CACNB3: variants seen among roughly 807,000 people sequenced by gnomAD.
The protein encoded by CACNB3 is calcium voltage-gated channel auxiliary subunit beta 3, also known as voltage-dependent L-type calcium channel subunit beta-3.
A neutral mutation model predicts 63.7 loss-of-function variants in CACNB3; 36 were observed. The ratio of observed to expected loss-of-function variants is 0.57; its 90% CI spans 0.43 to 0.75. CACNB3 has a LOEUF of 0.75. CACNB3 is among the 30% of genes least tolerant of loss of function. CACNB3 has a pLI of 0.00. For synonymous variants in CACNB3, 241 were observed against 250.6 expected, an observed-to-expected ratio of 0.96 and a Z score of 0.36; for missense variants, 493 against 648.6, an observed-to-expected ratio of 0.76 and a Z score of 2.61.
In CACNB3 at chr12:48,825,586, T is replaced by C; in HGVS notation, c.633-74T>C. On this transcript the variant is annotated intron_variant, in intron 8 of 12. Coordinates refer to ENST00000301050, the MANE Select transcript of CACNB3 (RefSeq NM_000725.4). The surrounding 1 kb of genome is among the most constrained non-coding windows in gnomAD (Gnocchi z 4.5). ...TAGCTAGTCTTCTCTAAGGGAAGAG[T>C]TAGTGGGAGCTGAGTAAGGAGAGGC... is the stretch of plus-strand genomic sequence containing the variant. 1 of 1,574,462 alleles carries C rather than the reference T, an allele frequency of 6.4e-7. No individual in the cohort carries two copies. Among genetic ancestry groups the C allele is most frequent in the Non-Finnish European group, 8.7e-7 (1 of 1,144,204 alleles).
chr12:48,818,685 C>T lies in CACNB3; in HGVS notation c.-245C>T, dbSNP rs1162473135. The T allele has an allele frequency of 2.3e-5, 28 of 1,240,462 alleles. No individual in the cohort carries two copies. The highest frequency in any genetic ancestry group is 4.6e-5 in the Admixed American group (1 of 21,868). 76.8% of individuals were successfully genotyped at this position (1,240,462 alleles called of 1,614,324 possible). ...TTGTTGTAGGAGCCGGCGCCAGATT[C>T]CTCAGCCGCGCTCGGGGTGGGACCG... On this transcript the variant is annotated 5_prime_UTR_variant, in exon 1 of 13. Coordinates refer to ENST00000301050, the MANE Select transcript of CACNB3 (RefSeq NM_000725.4). This position sits in a 1 kb window ranked among gnomAD's most constrained non-coding sequence, Gnocchi z 4.3.
At position 48,826,111 on chromosome 12, in the gene CACNB3, G is replaced by C. The variant is rs904437793; in HGVS notation, c.743-256G>C. 2 of 567,568 alleles carry C rather than the reference G, an allele frequency of 3.5e-6. No homozygotes were observed. The highest frequency in any genetic ancestry group is 3.0e-5 in the Admixed American group (1 of 32,920). 35.2% of individuals were successfully genotyped at this position (567,568 alleles called of 1,614,324 possible). On this transcript the variant is annotated intron_variant, in intron 9 of 12. Coordinates refer to ENST00000301050, the MANE Select transcript of CACNB3 (RefSeq NM_000725.4). This position sits in a 1 kb window ranked among gnomAD's most constrained non-coding sequence, Gnocchi z 4.8. ...CTCAAAATGCTGGGATTACAGGCATGAGCCACCATGCCTGGCCCCTCTTCC... is the reference window on the plus strand; with the variant it reads ...CTCAAAATGCTGGGATTACAGGCATCAGCCACCATGCCTGGCCCCTCTTCC...
At position 48,827,044 on chromosome 12, in the gene CACNB3, A is replaced by C; in HGVS notation, c.1061A>C (p.Glu354Ala). 1 of 1,613,958 alleles carries C rather than the reference A, an allele frequency of 6.2e-7. No individual in the cohort carries two copies. The highest frequency in any genetic ancestry group is 8.5e-7 in the Non-Finnish European group (1 of 1,180,020). Residue 354 changes from glutamate (E) to alanine (A), a missense_variant, in exon 12 of 13, where the codon GAG becomes GCG. Glu to Ala is a moderately radical substitution (Grantham distance 107). Coordinates refer to ENST00000301050, the MANE Select transcript of CACNB3 (RefSeq NM_000725.4). ...TGTGAGCACCTGGCTGAGTACCTGG[A>C]GGTTTACTGGCGGGCCACGCACCAC... ...DACEHLAEYLEVYWRATHHPA... is the reference protein window; with the variant it reads ...DACEHLAEYLAVYWRATHHPA...
rs372901951 is a variant in CACNB3, at chr12:48,823,423, G to T, written c.125G>T (p.Arg42Leu). The change falls in exon 2 of 13, where the codon CGT becomes CTT. Residue 42 changes from arginine (R) to leucine (L), a missense_variant. By Grantham distance (102) the Arg-to-Leu change is moderately radical. Coordinates refer to ENST00000301050, the MANE Select transcript of CACNB3 (RefSeq NM_000725.4). This position sits in a 1 kb window ranked among gnomAD's most constrained non-coding sequence, Gnocchi z 4.2. ...GAGGAGGACCGGGAGAGTGCCCGGC[G>T]TGAAGTAGAGAGCCAGGCTCAGCAG... is the stretch of plus-strand genomic sequence containing the variant. ...SLEEDRESAR[R>L]EVESQAQQQL... is the part of the protein sequence containing the mutation. The T allele has an allele frequency of 6.2e-7, 1 of 1,614,140 alleles. No individual in the cohort carries two copies. Among genetic ancestry groups the T allele is most frequent in the Non-Finnish European group, 8.5e-7 (1 of 1,180,006 alleles).
At chr12:48,815,701 C>G, upstream of CACNB3, 2 of 1,518,878 alleles carry the variant, frequency 1.3e-6, no homozygotes, top group East Asian at 5.0e-5. Flanking sequence ...CTTTTTCTGA[C>G]TCCAGTGCAA....
In CACNB3 at chr12:48,818,854, G is replaced by C; in HGVS notation, c.-76G>C. The C allele has an allele frequency of 3.4e-6, 5 of 1,457,016 alleles. No homozygotes were observed. Among genetic ancestry groups the C allele is most frequent in the South Asian group, 1.4e-5 (1 of 72,702 alleles). 90.3% of individuals were successfully genotyped at this position (1,457,016 alleles called of 1,614,324 possible). ...GGGCTCGGTGGCATCTCCCGGGCGC[G>C]GCCCGCAGTCCTTGCCCCTGCCTCC... On this transcript the variant is annotated 5_prime_UTR_variant, in exon 1 of 13. Coordinates refer to ENST00000301050, the MANE Select transcript of CACNB3 (RefSeq NM_000725.4). The surrounding 1 kb of genome is among the most constrained non-coding windows in gnomAD (Gnocchi z 4.3).
intron 12 of CACNB3, 48 bp from the exon 13 acceptor site, chr12:48,827,536 CA>C: frequency 1.3e-6 from 2 of 1,506,088 alleles, no homozygotes; most frequent in Non-Finnish European, 1.8e-6. Context: ...CACCAGAAGA[CA>C]AGGTGAGGTC....
chr12:48,825,861 C>A lies in CACNB3; in HGVS notation c.742+92C>A. 1.2e-6 allele frequency: 1 copy of A among 834,758 alleles called. No homozygotes were observed. The highest frequency in any genetic ancestry group is 1.9e-6 in the Non-Finnish European group (1 of 516,484). 51.7% of individuals were successfully genotyped at this position (834,758 alleles called of 1,614,324 possible). On this transcript the variant is annotated intron_variant, in intron 9 of 12. Coordinates refer to ENST00000301050, the MANE Select transcript of CACNB3 (RefSeq NM_000725.4). This position sits in a 1 kb window ranked among gnomAD's most constrained non-coding sequence, Gnocchi z 4.5. ...TTCTTTTTTTTGAGATGGAGTCTCG[C>A]TCTGTCACCTAGGCTGGAGTGCAGT...
chr12:48,825,574 C>G lies in CACNB3; in HGVS notation c.632+82C>G. On this transcript the variant is annotated intron_variant, in intron 8 of 12. Transcript: ENST00000301050. The surrounding 1 kb of genome is among the most constrained non-coding windows in gnomAD (Gnocchi z 4.5). ...TCCAGATGCCTGTAGCTAGTCTTCT[C>G]TAAGGGAAGAGTTAGTGGGAGCTGA... 1 of 1,586,346 alleles carries G rather than the reference C, an allele frequency of 6.3e-7. No homozygotes were observed. The highest frequency in any genetic ancestry group is 2.2e-5 in the East Asian group (1 of 44,728).
At position 48,823,722 on chromosome 12, in the gene CACNB3, C is replaced by T. The variant is rs767338902; in HGVS notation, c.210C>T (p.Tyr70=). 4.8e-5 allele frequency: 77 copies of T among 1,614,058 alleles called. No individual in the cohort carries two copies. Among genetic ancestry groups the T allele is most frequent in the Non-Finnish European group, 6.4e-5 (76 of 1,180,044 alleles). ...VAFAVRTNVS[Y]CGVLDEECPV... is the part of the protein sequence containing the mutation. Reference sequence around the variant, plus strand: ...TTGCGGTGAGGACCAATGTCAGCTACTGTGGCGTACTGGATGAGGAGTGCC... The same window carrying T: ...TTGCGGTGAGGACCAATGTCAGCTATTGTGGCGTACTGGATGAGGAGTGCC... Residue 70 remains tyrosine, a synonymous_variant, in exon 3 of 13, where the codon TAC becomes TAT. Coordinates refer to ENST00000301050, the MANE Select transcript of CACNB3 (RefSeq NM_000725.4). This position sits in a 1 kb window ranked among gnomAD's most constrained non-coding sequence, Gnocchi z 4.2.
chr12:48,817,063 C>G (rs900454741), upstream of CACNB3: 1 of 915,288 alleles, frequency 1.1e-6, no homozygotes, highest in African/African-American at 1.8e-5. Flanking sequence ...ATGACCAAAC[C>G]CCAGTTGGTG....
chr12:48,823,268 C>T lies in CACNB3; in HGVS notation c.46-76C>T, dbSNP rs889696965. The T allele has an allele frequency of 3.7e-5, 57 of 1,561,290 alleles. No homozygotes were observed. The highest frequency in any genetic ancestry group is 5.0e-5 in the Non-Finnish European group (57 of 1,149,518). ...GAAACTGGGGGCAATAGAGGCAACACTGTAAGGTGAGGAGGGTGCCTCCAT... is the reference window on the plus strand; with the variant it reads ...GAAACTGGGGGCAATAGAGGCAACATTGTAAGGTGAGGAGGGTGCCTCCAT... On this transcript the variant is annotated intron_variant, in intron 1 of 12. Transcript: ENST00000301050. This position sits in a 1 kb window ranked among gnomAD's most constrained non-coding sequence, Gnocchi z 4.2.
At chr12:48,822,132 C>G (rs1382224498) in intron 1 of CACNB3, among the ~76,000 whole-genome samples, 1 of 152,174 alleles carries the variant, frequency 6.6e-6, no homozygotes, top group African/African-American at 2.4e-5. Context: ...TACACACACA[C>G]ACTCCTGCAT....
chr12:48,815,592 T>C, upstream of CACNB3: 1 of 1,518,184 alleles, frequency 6.6e-7, no homozygotes, highest in East Asian at 2.5e-5. Flanking sequence ...AGGCCAGGCG[T>C]GCAGGCGGGA....
chr12:48,815,652 G>C, upstream of CACNB3: 2 of 1,519,358 alleles, frequency 1.3e-6, no homozygotes, highest in East Asian at 5.0e-5. Flanking sequence ...GGAGCCCCTG[G>C]CCCGGGGGAG....
intron 12 of CACNB3, 96 bp downstream of exon 12, chr12:48,827,219 T>A: frequency 7.0e-7 from 1 of 1,430,456 alleles, no homozygotes; most frequent in Non-Finnish European, 9.6e-7. Context: ...CAGTTCAGCA[T>A]GCCAAAGGAT....
Position 48,826,622 on chromosome 12 carries a change from G to A in CACNB3, c.894+104G>A. 2.0e-6 allele frequency: 3 copies of A among 1,492,162 alleles called. No homozygotes were observed. Among genetic ancestry groups the A allele is most frequent in the Non-Finnish European group, 2.8e-6 (3 of 1,074,422 alleles). The allele number at this position is 1,492,162 out of a possible 1,614,324, so 92.4% of individuals were successfully genotyped here. Reference sequence around the variant, plus strand: ...TGGGGCACCTGAGTTCCCTTTTCCTGCTGCCCTTAACACAACTCTGAGTCA... The same window carrying A: ...TGGGGCACCTGAGTTCCCTTTTCCTACTGCCCTTAACACAACTCTGAGTCA... On this transcript the variant is annotated intron_variant, in intron 10 of 12. Transcript: ENST00000301050. The surrounding 1 kb of genome is among the most constrained non-coding windows in gnomAD (Gnocchi z 4.8).
intron 1 of CACNB3, among the ~76,000 whole-genome samples, chr12:48,822,255 A>G (rs1937888605): frequency 6.6e-6 from 1 of 152,122 alleles, no homozygotes; most frequent in Non-Finnish European, 1.5e-5. Context: ...AGGAAACGAA[A>G]GACTCCCTTT....
At chr12:48,821,092 T>C (rs1245827777) in intron 1 of CACNB3, 3 of 150,426 alleles carry the variant, frequency 2.0e-5, no homozygotes, top group Non-Finnish European at 4.4e-5. Context: ...GCTGGGGCAG[T>C]AGAATTGCTT....
Sources: allele counts gnomAD v4.1 joint callset (sites outside exome capture counted in the v4.1 genomes callset), GRCh38; gene constraint gnomAD v4.1.1; non-coding constraint Gnocchi (gnomAD v3.1); transcripts MANE v1.5; gene names NCBI Gene and HGNC (gene_info 2026-07-23, HGNC 2026-07-21).